Variants in CDH9 observed in about 807,000 individuals in gnomAD.
CDH9 encodes the protein cadherin-9.
A neutral mutation model predicts 70.9 loss-of-function variants in CDH9; 28 were observed. The observed-to-expected ratio is 0.40, with a 90% CI of 0.29 to 0.54. The LOEUF (loss-of-function observed/expected upper bound fraction) is 0.54. Among genes scored for constraint, CDH9 ranks in the 20% least tolerant of loss-of-function variants. The pLI, the probability that CDH9 is intolerant of heterozygous loss-of-function variation, is 0.59. For synonymous variants in CDH9, 409 were observed against 343.1 expected, an observed-to-expected ratio of 1.19 and a Z score of -2.12; for missense variants, 874 against 984.4, an observed-to-expected ratio of 0.89 and a Z score of 1.50.
chr5:27,029,683 A>T (rs950945688), intron 1 of CDH9, among the ~76,000 whole-genome samples: 3 of 152,052 alleles, frequency 2.0e-5, no homozygotes, highest in Middle Eastern at 3.4e-3. Flanking sequence ...GGATGAATAA[A>T]TTATTACCAA....
intron 2 of CDH9, among the ~76,000 whole-genome samples, chr5:26,974,652 T>A (rs1415016738): frequency 6.6e-6 from 1 of 152,154 alleles, no homozygotes; most frequent in African/African-American, 2.4e-5. Context: ...ACATGAGTGT[T>A]AATTTATTTT....
chr5:26,918,233 A>T (rs777414008), intron 2 of CDH9, among the ~76,000 whole-genome samples: 30 of 151,644 alleles, frequency 2.0e-4, no homozygotes, highest in Non-Finnish European at 3.2e-4. Flanking sequence ...TTACACCTTT[A>T]CCTTCTTTTT....
intron 2 of CDH9, among the ~76,000 whole-genome samples, chr5:26,965,691 TTTAGCCTAA>T (rs1244019165): frequency 2.1e-4 from 32 of 151,832 alleles, no homozygotes; most frequent in African/African-American, 7.3e-4. Context: ...CATTAATTAT[TTTAGCCTAA>T]TTATCTGATC....
At position 26,885,635 on chromosome 5, in the gene CDH9, G is replaced by A. The variant is rs1350682578; in HGVS notation, c.1861C>T (p.Leu621Phe). 8 of 1,613,240 alleles carry A rather than the reference G, an allele frequency of 5.0e-6. No individual in the cohort carries two copies. In the South Asian group the frequency reaches 6.6e-5, roughly 13 times the overall value. Residue 621 changes from leucine (L) to phenylalanine (F), a missense_variant, in exon 11 of 12, where the codon CTC (leucine) becomes TTC (phenylalanine). Leu to Phe is a conservative substitution (Grantham distance 22). Coordinates refer to ENST00000231021, the MANE Select transcript of CDH9 (RefSeq NM_016279.4). ...LSTGALVAIL[L>F]CVLILLILVV... The stretch of plus-strand genomic sequence containing the variant: ...TTACTAAGCAGTATGAGGACACAGA[G>A]TAGAATCGCAACGAGAGCTCCCGTG...
chr5:26,921,957 A>G (rs369287616), intron 2 of CDH9, among the ~76,000 whole-genome samples: 1 of 152,030 alleles, frequency 6.6e-6, no homozygotes. Flanking sequence ...GTATGTTAAA[A>G]GCGGGATTGA....
chr5:27,000,247 G>A (rs1291542346), intron 1 of CDH9, among the ~76,000 whole-genome samples: 1 of 152,048 alleles, frequency 6.6e-6, no homozygotes, highest in African/African-American at 2.4e-5. Flanking sequence ...ATATACATAT[G>A]AGAAATAAGC....
At chr5:26,997,655 G>A (rs1742689141) in intron 1 of CDH9, among the ~76,000 whole-genome samples, 1 of 152,118 alleles carries the variant, frequency 6.6e-6, no homozygotes, top group South Asian at 2.1e-4. Flanking sequence ...TGGCTAACAA[G>A]CTATTAGTGA....
Position 27,033,618 on chromosome 5 carries a change from A to G in CDH9, c.-50+4845T>C, listed in dbSNP as rs184445714. Among the ~76,000 whole-genome samples, 12 of 151,612 alleles carry G rather than the reference A, an allele frequency of 7.9e-5. No individual in the cohort carries two copies. The East Asian group carries it at 2.3e-3, about 30-fold the overall frequency. On this transcript the variant is annotated intron_variant, in intron 1 of 11. Coordinates refer to ENST00000231021, the MANE Select transcript of CDH9 (RefSeq NM_016279.4). ...GTTACATTTCCTCTGCGGTTTACTT[A>G]CCATTAAAATTTAAAAAAAACAAAA...
intron 3 of CDH9, among the ~76,000 whole-genome samples, chr5:26,912,792 C>T (rs1741076189): frequency 6.6e-6 from 1 of 152,172 alleles, no homozygotes; most frequent in African/African-American, 2.4e-5. Context: ...TGTTCCCACC[C>T]AAATCTTATC....
chr5:26,984,202 A>G (rs1374206281), intron 2 of CDH9, among the ~76,000 whole-genome samples: 1 of 152,158 alleles, frequency 6.6e-6, no homozygotes, highest in Non-Finnish European at 1.5e-5. Flanking sequence ...CTTGAGAGGT[A>G]ACTCTGCAAT....
intron 2 of CDH9, among the ~76,000 whole-genome samples, chr5:26,943,831 C>T (rs1377935252): frequency 6.6e-6 from 1 of 152,160 alleles, no homozygotes; most frequent in Non-Finnish European, 1.5e-5. Flanking sequence ...ATGCTAATTA[C>T]ATCAGTGTTA....
intron 2 of CDH9, among the ~76,000 whole-genome samples, chr5:26,949,280 G>T (rs1741805149): frequency 6.6e-6 from 1 of 152,118 alleles, no homozygotes; most frequent in Non-Finnish European, 1.5e-5. Flanking sequence ...GGTGAGAAGG[G>T]GCACTGATAG....
intron 3 of CDH9, among the ~76,000 whole-genome samples, chr5:26,913,625 T>C (rs1314701559): frequency 6.6e-6 from 1 of 152,100 alleles, no homozygotes; most frequent in Non-Finnish European, 1.5e-5. Context: ...AAATGAAATA[T>C]AGATTGCCTT....
intron 2 of CDH9, among the ~76,000 whole-genome samples, chr5:26,935,472 G>A (rs192836148): frequency 1.3e-4 from 20 of 152,206 alleles, no homozygotes; most frequent in Admixed American, 1.2e-3. Context: ...TAATATGATT[G>A]TTCCTGTACA....
chr5:26,896,156 C>G (rs374432128), intron 7 of CDH9, among the ~76,000 whole-genome samples: 2 of 151,986 alleles, frequency 1.3e-5, no homozygotes, highest in African/African-American at 4.8e-5. Context: ...ACTTGAGTAC[C>G]CTATACAAAA....
chr5:27,024,934 C>G (rs1365587261), intron 1 of CDH9, among the ~76,000 whole-genome samples: 3 of 151,958 alleles, frequency 2.0e-5, no homozygotes, highest in Non-Finnish European at 4.4e-5. Context: ...TACCATATCA[C>G]TTACAATGCA....
chr5:26,896,462 A>T (rs934067858), intron 7 of CDH9, among the ~76,000 whole-genome samples: 1 of 134,398 alleles, frequency 7.4e-6, no homozygotes, highest in Non-Finnish European at 1.7e-5. Flanking sequence ...ATAGTATATC[A>T]TTTATACAAT....
At chr5:26,906,320 G>A (rs1430169925) in intron 4 of CDH9, among the ~76,000 whole-genome samples, 194 bp from the exon 5 acceptor site, 3 of 152,250 alleles carry the variant, frequency 2.0e-5, no homozygotes, top group East Asian at 3.9e-4. Flanking sequence ...TATAGTTCAT[G>A]AAATGGGTTT....
chr5:27,027,079 T>C (rs914934773), intron 1 of CDH9, among the ~76,000 whole-genome samples: 2 of 151,988 alleles, frequency 1.3e-5, no homozygotes, highest in African/African-American at 4.8e-5. Context: ...GCCTATGAAA[T>C]TTTATTATTA....
Sources: allele counts gnomAD v4.1 joint callset (sites outside exome capture counted in the v4.1 genomes callset), GRCh38; gene constraint gnomAD v4.1.1; transcripts MANE v1.5; gene names NCBI Gene and HGNC (gene_info 2026-07-23, HGNC 2026-07-21).